Variants in MYO5B observed in about 807,000 individuals in gnomAD.
MYO5B encodes the protein myosin VB.
In MYO5B, 143 loss-of-function variants were observed where a neutral mutation model predicts 229.3. The ratio of observed to expected loss-of-function variants is 0.62; its 90% CI spans 0.54 to 0.72. MYO5B has a LOEUF of 0.72. MYO5B is among the 30% of genes least tolerant of loss of function. The pLI, the probability that MYO5B is intolerant of heterozygous loss-of-function variation, is 0.00. For missense variants in MYO5B, 2,321 were observed against 2,331.0 expected (o/e 1.00, Z 0.09); for synonymous variants, 918 against 885.2 (o/e 1.04, Z -0.66).
intron 1 of MYO5B, 32 bp from the exon 2 acceptor site, chr18:50,055,410 C>A: frequency 6.4e-7 from 1 of 1,555,900 alleles, no homozygotes; most frequent in Non-Finnish European, 8.9e-7. Flanking sequence ...AACTTAGATA[C>A]AGAACAAAGC....
intron 14 of MYO5B, among the ~76,000 whole-genome samples, chr18:49,946,749 G>A (rs1423596030): frequency 2.0e-5 from 3 of 152,192 alleles, no homozygotes; most frequent in African/African-American, 7.2e-5. Flanking sequence ...AGTTCCTGCT[G>A]TTGAGACTGC....
intron 14 of MYO5B, among the ~76,000 whole-genome samples, chr18:49,939,047 T>G (rs1161001100): frequency 6.6e-6 from 1 of 152,124 alleles, no homozygotes; most frequent in Non-Finnish European, 1.5e-5. Context: ...AGAGAATCCG[T>G]GTAAGCATGT....
chr18:50,098,239 G>A (rs898244247), intron 1 of MYO5B, among the ~76,000 whole-genome samples: 2 of 152,106 alleles, frequency 1.3e-5, no homozygotes, highest in South Asian at 2.1e-4. Context: ...CAACAGATTC[G>A]TGGAAACACT....
chr18:49,997,751 C>T (rs566896369), intron 5 of MYO5B, among the ~76,000 whole-genome samples: 1 of 152,252 alleles, frequency 6.6e-6, no homozygotes, highest in Non-Finnish European at 1.5e-5. Context: ...TTAATTCCAA[C>T]AACTGCCACT....
chr18:50,166,832 A>G (rs1489955733), intron 1 of MYO5B, among the ~76,000 whole-genome samples: 4 of 152,192 alleles, frequency 2.6e-5, no homozygotes, highest in Non-Finnish European at 5.9e-5. Context: ...TTTCCCAGCT[A>G]TAAGACCTAC....
At chr18:49,949,086 G>A (rs1304170781) in intron 14 of MYO5B, among the ~76,000 whole-genome samples, 1 of 152,102 alleles carries the variant, frequency 6.6e-6, no homozygotes, top group Non-Finnish European at 1.5e-5. Flanking sequence ...CCCTTATGCT[G>A]GGATAGAGTG....
chr18:50,172,104 G>A (rs1029202462), intron 1 of MYO5B, among the ~76,000 whole-genome samples: 10 of 151,958 alleles, frequency 6.6e-5, no homozygotes, highest in Admixed American at 6.6e-4. Context: ...AACAAGGCAA[G>A]ACCCCATCTC....
chr18:49,840,872 G>C (rs919014232), intron 35 of MYO5B, among the ~76,000 whole-genome samples: 2 of 152,182 alleles, frequency 1.3e-5, no homozygotes, highest in African/African-American at 4.8e-5. Flanking sequence ...CATGGAGCTG[G>C]GCCTCCAGGT....
At chr18:49,928,494 A>C (rs916420574) in intron 17 of MYO5B, among the ~76,000 whole-genome samples, 2 of 152,170 alleles carry the variant, frequency 1.3e-5, no homozygotes, top group Admixed American at 6.5e-5. Context: ...AAATACAAAA[A>C]TTAGCCAGAT....
At chr18:49,950,253 C>T (rs1568043753) in intron 14 of MYO5B, among the ~76,000 whole-genome samples, 1 of 152,156 alleles carries the variant, frequency 6.6e-6, no homozygotes, top group Non-Finnish European at 1.5e-5. Context: ...AAAAAGGTCA[C>T]TGGCTCTTTA....
At chr18:49,957,142 C>CAAAAAAAAAAAAA (rs71169467) in intron 12 of MYO5B, among the ~76,000 whole-genome samples, 13 of 58,732 alleles carry the variant, frequency 2.2e-4, no homozygotes, top group African/African-American at 7.1e-4. Context: ...AATAAAGTAG[C>CAAAAAAAAAAAAA]AAAAAAAAAA....
chr18:49,902,717 C>T lies in MYO5B; in HGVS notation c.2688G>A (p.Met896Ile). 2.5e-6 allele frequency: 4 copies of T among 1,611,224 alleles called. No individual in the cohort carries two copies. In the South Asian group the frequency reaches 3.3e-5, roughly 13 times the overall value. ...CCTTCAGCTCCCGCCTGGCCTTGAG[C>T]ATCCGGAAGGCACACTGGATGACAA... Reference protein sequence around the residue: ...AAIVIQCAFRMLKARRELKAL... With the variant: ...AAIVIQCAFRILKARRELKAL... The change falls in exon 21 of 40, where the codon ATG becomes ATA. Residue 896 changes from methionine to isoleucine, a missense_variant. Transcript: ENST00000285039.
At chr18:50,017,390 G>T (rs536593233) in intron 4 of MYO5B, among the ~76,000 whole-genome samples, 43 of 152,290 alleles carry the variant, frequency 2.8e-4, no homozygotes, top group Admixed American at 1.2e-3. Context: ...CTCCCAAAGT[G>T]CTGGGATTAC....
At position 50,070,987 on chromosome 18, in the gene MYO5B, T is replaced by C. The variant is rs915321881; in HGVS notation, c.28-15609A>G. Among the ~76,000 whole-genome samples the C allele has an allele frequency of 2.2e-4, 34 of 152,304 alleles. 1 individual carries two copies. The highest frequency in any genetic ancestry group is 3.7e-4 in the Non-Finnish European group (25 of 68,020). ...TGGGCCAATTGCAAACAGTCTTGTA[T>C]GAACTTTTGTATTGTTTGTAGAGAT... On this transcript the variant is annotated intron_variant, in intron 1 of 39. Coordinates refer to ENST00000285039, the MANE Select transcript of MYO5B (RefSeq NM_001080467.3).
At chr18:49,972,476 T>A (rs904882323) in intron 10 of MYO5B, among the ~76,000 whole-genome samples, 4 of 152,230 alleles carry the variant, frequency 2.6e-5, no homozygotes, top group Admixed American at 6.5e-5. Flanking sequence ...TGGTATTTTA[T>A]GTAGCAGTAG....
intron 4 of MYO5B, among the ~76,000 whole-genome samples, chr18:50,024,361 CCTGGGTG>C (rs33946797): frequency 0.52 from 78,958 of 151,322 alleles, 21,274 homozygotes; most frequent in South Asian, 0.66. Context: ...GCAGAGAAGT[CCTGGGTG>C]CTGGGATTCC....
intron 2 of MYO5B, among the ~76,000 whole-genome samples, chr18:50,045,428 C>G (rs1270296143): frequency 1.3e-5 from 2 of 152,174 alleles, no homozygotes; most frequent in African/African-American, 4.8e-5. Context: ...GAGTCTTGCT[C>G]TACTGCCCAG....
At position 49,904,710 on chromosome 18, in the gene MYO5B, A is replaced by G. The variant is rs1220832749; in HGVS notation, c.2533T>C (p.Phe845Leu). ...VRRAAVVIQA[F>L]TRAMFVRRTY... Reference sequence around the variant, plus strand: ...CTCCGCACAAACATGGCCCGGGTGAAGGCCTGGATAACAACGGCAGCTCTG... The same window carrying G: ...CTCCGCACAAACATGGCCCGGGTGAGGGCCTGGATAACAACGGCAGCTCTG... The change falls in exon 20 of 40, where the codon TTC (phenylalanine) becomes CTC (leucine). Residue 845 changes from phenylalanine to leucine, a missense_variant. Coordinates refer to ENST00000285039, the MANE Select transcript of MYO5B (RefSeq NM_001080467.3). 10 of 1,613,970 alleles carry G rather than the reference A, an allele frequency of 6.2e-6. No individual in the cohort carries two copies. The highest frequency in any genetic ancestry group is 8.5e-6 in the Non-Finnish European group (10 of 1,180,052).
chr18:50,007,953 G>A (rs2026120385), intron 4 of MYO5B, among the ~76,000 whole-genome samples: 1 of 152,144 alleles, frequency 6.6e-6, no homozygotes, highest in Admixed American at 6.5e-5. Flanking sequence ...TCCTTAGCTA[G>A]TGAGACACTG....
Sources: allele counts gnomAD v4.1 joint callset (sites outside exome capture counted in the v4.1 genomes callset), GRCh38; gene constraint gnomAD v4.1.1; transcripts MANE v1.5; gene names NCBI Gene and HGNC (gene_info 2026-07-23, HGNC 2026-07-21).